PCDH15: variants seen among roughly 807,000 people sequenced by gnomAD.
PCDH15 encodes the protein protocadherin-15.
A neutral mutation model predicts 178.5 loss-of-function variants in PCDH15; 129 were observed. The ratio of observed to expected loss-of-function variants is 0.72; its 90% confidence interval spans 0.63 to 0.84. The LOEUF (loss-of-function observed/expected upper bound fraction) is 0.84. Among genes scored for constraint, PCDH15 ranks in the 40% least tolerant of loss-of-function variants. The pLI is 0.00. For missense variants in PCDH15, 2,230 were observed against 2,099.9 expected, an observed-to-expected ratio of 1.06 and a Z score of -1.21; for synonymous variants, 800 against 732.0, an observed-to-expected ratio of 1.09 and a Z score of -1.50.
chr10:55,546,329 G>A (rs969984798), intron 2 of PCDH15, among the ~76,000 whole-genome samples: 4 of 152,180 alleles, frequency 2.6e-5, no homozygotes, highest in East Asian at 3.9e-4. Flanking sequence ...CAGTATATTA[G>A]TTGTACAGAT....
At chr10:55,129,005 G>A (rs542821130) in intron 2 of PCDH15, among the ~76,000 whole-genome samples, 20 of 152,134 alleles carry the variant, frequency 1.3e-4, no homozygotes, top group South Asian at 6.2e-4. Flanking sequence ...GTTAGTTCCC[G>A]TTGCCTGATG....
chr10:55,189,935 A>G (rs1324368110), intron 1 of PCDH15, among the ~76,000 whole-genome samples: 3 of 151,856 alleles, frequency 2.0e-5, no homozygotes, highest in African/African-American at 7.2e-5. Flanking sequence ...CGGGCACACA[A>G]GAAATGGAGT....
chr10:54,204,858 G>A (rs2050625529), intron 10 of PCDH15, among the ~76,000 whole-genome samples: 1 of 152,116 alleles, frequency 6.6e-6, no homozygotes, highest in Non-Finnish European at 1.5e-5. Flanking sequence ...CCCACTAAGT[G>A]TTTCCCAAAT....
chr10:55,489,939 A>G (rs12411313), intron 2 of PCDH15, among the ~76,000 whole-genome samples: 7,108 of 151,806 alleles, frequency 0.047, 419 homozygotes, highest in East Asian at 0.29. Context: ...AAAATAAACT[A>G]AAAGTTTACC....
At position 54,026,251 on chromosome 10, in the gene PCDH15, T is replaced by A. The variant is rs2093088098; in HGVS notation, c.2221-3054A>T. ...GCCTGGCTAATTTTTTGTATTTTTA[T>A]CAGAAACGGGGTTTCCTCTTGTTGC... On this transcript the variant is annotated intron_variant, in intron 18 of 37. Coordinates refer to ENST00000644397, the MANE Select transcript of PCDH15 (RefSeq NM_001384140.1). Among the ~76,000 whole-genome samples the A allele has an allele frequency of 2.6e-5, 4 of 152,006 alleles. No homozygotes were observed. In the South Asian group the frequency reaches 8.3e-4, roughly 32 times the overall value.
intron 2 of PCDH15, among the ~76,000 whole-genome samples, chr10:54,910,304 T>C (rs371759477): frequency 2.7e-4 from 41 of 152,302 alleles, no homozygotes; most frequent in African/African-American, 9.1e-4. Context: ...GGGAGAGTTA[T>C]ATATTCCTGA....
At chr10:54,740,533 CA>C (rs1944649352) in intron 1 of PCDH15, among the ~76,000 whole-genome samples, 1 of 151,060 alleles carries the variant, frequency 6.6e-6, no homozygotes, top group Admixed American at 6.6e-5. Flanking sequence ...GGTGTATGTC[CA>C]AAAAAAGGAA....
intron 1 of PCDH15, among the ~76,000 whole-genome samples, chr10:54,747,130 T>A (rs2132905897): frequency 6.6e-6 from 1 of 152,286 alleles, no homozygotes; most frequent in African/African-American, 2.4e-5. Context: ...ATTTCCAGAC[T>A]TTCAGAAATA....
chr10:54,847,550 T>C (rs567169296), intron 3 of PCDH15, among the ~76,000 whole-genome samples: 2 of 152,252 alleles, frequency 1.3e-5, no homozygotes, highest in East Asian at 3.9e-4. Flanking sequence ...GAATCAATTA[T>C]AATTTACCTG....
chr10:54,834,776 T>C (rs573440018), intron 3 of PCDH15, among the ~76,000 whole-genome samples: 30 of 152,314 alleles, frequency 2.0e-4, no homozygotes, highest in African/African-American at 4.1e-4. Flanking sequence ...TGAAAGTATG[T>C]TACTTTTGCA....
chr10:54,236,788 A>T (rs773980198), intron 9 of PCDH15, 35 bp downstream of exon 9: 8 of 1,484,322 alleles, frequency 5.4e-6, no homozygotes, highest in Non-Finnish European at 5.7e-6. Context: ...AGATTCTAGA[A>T]TAACTGATAG....
chr10:54,655,366 A>G (rs571591560), intron 2 of PCDH15, among the ~76,000 whole-genome samples: 114 of 151,260 alleles, frequency 7.5e-4, no homozygotes, highest in African/African-American at 2.6e-3. Flanking sequence ...GAGCACCAAT[A>G]CTGGGATATT....
chr10:54,463,529 C>T (rs749320456), intron 3 of PCDH15, among the ~76,000 whole-genome samples: 1 of 152,102 alleles, frequency 6.6e-6, no homozygotes, highest in Non-Finnish European at 1.5e-5. Context: ...AACAACACTA[C>T]GCCAAAGCCT....
intron 2 of PCDH15, among the ~76,000 whole-genome samples, chr10:55,130,389 G>T (rs539856051): frequency 6.6e-6 from 1 of 152,094 alleles, no homozygotes; most frequent in Non-Finnish European, 1.5e-5. Flanking sequence ...AAAGGAAAAG[G>T]AGGTTACAAA....
chr10:53,899,716 C>T (rs576404273), intron 26 of PCDH15, among the ~76,000 whole-genome samples: 1 of 152,252 alleles, frequency 6.6e-6, no homozygotes, highest in Non-Finnish European at 1.5e-5. Context: ...CCTTCAAACA[C>T]CACAGCTGAA....
At chr10:54,574,343 T>C (rs4586054) in intron 2 of PCDH15, among the ~76,000 whole-genome samples, 137,806 of 147,386 alleles carry the variant, frequency 0.94, 64,709 homozygotes, top group Middle Eastern at 0.98. Context: ...TGTAGATATG[T>C]GGCGTTATTT....
At chr10:54,273,386 G>A (rs111435285) in intron 8 of PCDH15, among the ~76,000 whole-genome samples, 375 of 27,086 alleles carry the variant, frequency 0.014, 1 homozygote, top group African/African-American at 0.018. Flanking sequence ...AAAAAAAAAA[G>A]GTGATGCTTT....
At chr10:55,109,797 T>G (rs1591910209) in intron 2 of PCDH15, among the ~76,000 whole-genome samples, 1 of 152,014 alleles carries the variant, frequency 6.6e-6, no homozygotes, top group Non-Finnish European at 1.5e-5. Context: ...ATATATGGAA[T>G]AAAGAAGGCA....
chr10:54,997,064 G>T (rs951338579), intron 2 of PCDH15, among the ~76,000 whole-genome samples: 1 of 148,872 alleles, frequency 6.7e-6, no homozygotes, highest in African/African-American at 2.5e-5. Context: ...AGCTGAGATC[G>T]CACCACTGCA....
Sources: allele counts gnomAD v4.1 joint callset (sites outside exome capture counted in the v4.1 genomes callset), GRCh38; gene constraint gnomAD v4.1.1; transcripts MANE v1.5; gene names NCBI Gene and HGNC (gene_info 2026-07-23, HGNC 2026-07-21).